The following RBFOX2 variants were observed in gnomAD, a reference collection of about 807,000 sequenced individuals.
RBFOX2 encodes the protein RNA binding fox-1 homolog 2.
Under a neutral mutation model 49.1 loss-of-function variants are expected in RBFOX2, and 10 were observed. That is an observed-to-expected ratio of 0.20 (90% CI 0.13 to 0.35). RBFOX2 has a LOEUF of 0.35. Among genes scored for constraint, RBFOX2 ranks in the 10% least tolerant of loss-of-function variants. The probability of loss-of-function intolerance (pLI) is 1.00; values close to 1 mark genes in which losing one functional copy is unlikely to be tolerated. For synonymous variants in RBFOX2, 183 were observed against 187.4 expected (o/e 0.98, Z 0.19); for missense variants, 323 against 486.9 (o/e 0.66, Z 3.17).
chr22:35,887,258 T>A (rs1010408732), intron 1 of RBFOX2, among the ~76,000 whole-genome samples: 4 of 152,144 alleles, frequency 2.6e-5, no homozygotes, highest in African/African-American at 9.7e-5. Context: ...CTACTTAAAA[T>A]CTTTATTCTC....
intron 1 of RBFOX2, among the ~76,000 whole-genome samples, chr22:35,850,613 T>A (rs545321120): frequency 6.6e-6 from 1 of 152,256 alleles, no homozygotes; most frequent in South Asian, 2.1e-4. Flanking sequence ...TTTTCTCCTT[T>A]TAGGGAGCTG....
intron 3 of RBFOX2, among the ~76,000 whole-genome samples, chr22:35,779,824 T>G (rs914287688): frequency 6.6e-6 from 1 of 152,028 alleles, no homozygotes; most frequent in East Asian, 1.9e-4. Context: ...AAGGAAAAAA[T>G]TATTTCTTTT....
intron 1 of RBFOX2, among the ~76,000 whole-genome samples, chr22:35,914,893 T>G (rs142992178): frequency 6.6e-6 from 1 of 152,364 alleles, no homozygotes; most frequent in East Asian, 1.9e-4. Context: ...TCAAAAAGGT[T>G]GTTCTGTAAT....
At chr22:35,844,859 T>C (rs145863092), upstream of RBFOX2, among the ~76,000 whole-genome samples, 19 of 152,184 alleles carry the variant, frequency 1.2e-4, no homozygotes, top group African/African-American at 4.6e-4. Flanking sequence ...GAAAGGAAGA[T>C]GTACAAAAAG....
chr22:35,826,342 C>CAAAAAAA (rs1160241662), intron 1 of RBFOX2, among the ~76,000 whole-genome samples: 4 of 62,166 alleles, frequency 6.4e-5, no homozygotes, highest in Middle Eastern at 9.1e-3. Context: ...AACTCCATCT[C>CAAAAAAA]AAAAAAAAAA....
chr22:35,929,225 C>T (rs2052057422), intron 1 of RBFOX2, among the ~76,000 whole-genome samples: 1 of 151,812 alleles, frequency 6.6e-6, no homozygotes, highest in Non-Finnish European at 1.5e-5. Flanking sequence ...TCAAGTGATC[C>T]ACCCACCTCA....
At chr22:35,906,771 C>T (rs1447760943) in intron 1 of RBFOX2, among the ~76,000 whole-genome samples, 4 of 152,090 alleles carry the variant, frequency 2.6e-5, no homozygotes, top group Admixed American at 6.6e-5. Flanking sequence ...GCCAAGATCA[C>T]GCCACTGCAT....
intron 1 of RBFOX2, among the ~76,000 whole-genome samples, chr22:35,825,810 G>A (rs1955548489): frequency 6.7e-6 from 1 of 149,744 alleles, no homozygotes; most frequent in South Asian, 2.1e-4. Context: ...GTGAAACCTC[G>A]CCTCTACTAA....
At chr22:35,924,419 A>G (rs995126932) in intron 1 of RBFOX2, among the ~76,000 whole-genome samples, 1 of 152,244 alleles carries the variant, frequency 6.6e-6, no homozygotes, top group African/African-American at 2.4e-5. Flanking sequence ...TACTAATTCA[A>G]TAAGTATATT....
At chr22:36,018,284 G>A (rs572397063) in intron 1 of RBFOX2, among the ~76,000 whole-genome samples, 15 of 152,254 alleles carry the variant, frequency 9.9e-5, no homozygotes, top group African/African-American at 3.1e-4. Context: ...GCAGGAGTGT[G>A]GGAGACATGG....
chr22:36,020,017 CA>C (rs1220496088), intron 1 of RBFOX2, among the ~76,000 whole-genome samples: 1 of 152,220 alleles, frequency 6.6e-6, no homozygotes, highest in African/African-American at 2.4e-5. Context: ...CTATAGTAAC[CA>C]AAACAGCATG....
chr22:35,793,042 G>A (rs1015124285), intron 2 of RBFOX2, among the ~76,000 whole-genome samples: 1 of 152,270 alleles, frequency 6.6e-6, no homozygotes, highest in South Asian at 2.1e-4. Context: ...GGGATTACAG[G>A]TGCATGCCAC....
chr22:36,001,845 C>T (rs1010552525), intron 1 of RBFOX2, among the ~76,000 whole-genome samples: 64 of 152,060 alleles, frequency 4.2e-4, no homozygotes, highest in Admixed American at 1.1e-3. Context: ...GGGCGGATCA[C>T]TTGAGGTCAA....
At chr22:35,840,449 A>C in exon 1 of RBFOX2, 8 of 1,417,808 alleles carry the variant, frequency 5.6e-6, no homozygotes, top group Middle Eastern at 2.6e-4. Context: ...CCCATATCTC[A>C]GGCAGATGGC....
intron 1 of RBFOX2, among the ~76,000 whole-genome samples, chr22:35,895,408 C>T (rs1213076699): frequency 6.6e-6 from 1 of 152,164 alleles, no homozygotes; most frequent in East Asian, 1.9e-4. Flanking sequence ...TTGTGGAGCC[C>T]CTTGCAGAAG....
At chr22:35,764,248 T>C (rs1266340380) in intron 6 of RBFOX2, among the ~76,000 whole-genome samples, 3 of 152,126 alleles carry the variant, frequency 2.0e-5, no homozygotes, top group Non-Finnish European at 4.4e-5. Flanking sequence ...AAGACATTAT[T>C]AGCACATACA....
intron 1 of RBFOX2, among the ~76,000 whole-genome samples, chr22:35,927,967 G>T (rs2051873934): frequency 6.6e-6 from 1 of 152,136 alleles, no homozygotes; most frequent in African/African-American, 2.4e-5. Context: ...CAGAATGTGA[G>T]AACTAATCAT....
At chr22:35,964,392 T>C (rs1464015620), upstream of RBFOX2, among the ~76,000 whole-genome samples, 1 of 152,250 alleles carries the variant, frequency 6.6e-6, no homozygotes, top group African/African-American at 2.4e-5. Context: ...ATTCTAATCC[T>C]ATTATTCTAA....
chr22:35,942,807 G>A (rs1569504232), upstream of RBFOX2, among the ~76,000 whole-genome samples: 1 of 152,012 alleles, frequency 6.6e-6, no homozygotes, highest in African/African-American at 2.4e-5. Context: ...TACCTCTAGG[G>A]AGAAGAATAA....
Sources: allele counts gnomAD v4.1 joint callset (sites outside exome capture counted in the v4.1 genomes callset), GRCh38; gene constraint gnomAD v4.1.1; transcripts MANE v1.5; gene names NCBI Gene and HGNC (gene_info 2026-07-23, HGNC 2026-07-21).